Variants in LRRIQ1 observed in about 807,000 individuals in gnomAD.
LRRIQ1 encodes the protein leucine rich repeats and IQ motif containing 1, also known as leucine-rich repeat- and IQ domain-containing protein 1.
A neutral mutation model predicts 211.9 loss-of-function variants in LRRIQ1; 210 were observed. That is an observed-to-expected ratio of 0.99 (90% CI 0.89 to 1.11). The LOEUF (loss-of-function observed/expected upper bound fraction) is 1.11. Among genes scored for constraint, LRRIQ1 ranks in the 50% most tolerant of loss-of-function variants. LRRIQ1 has a pLI of 0.00. For missense variants in LRRIQ1, 2,136 were observed against 1,939.5 expected, an observed-to-expected ratio of 1.10 and a Z score of -1.90; for synonymous variants, 699 against 650.1, an observed-to-expected ratio of 1.08 and a Z score of -1.14.
At chr12:85,249,744 T>A (rs1003177552), downstream of LRRIQ1, among the ~76,000 whole-genome samples, 3 of 151,936 alleles carry the variant, frequency 2.0e-5, no homozygotes, top group African/African-American at 7.2e-5. Flanking sequence ...ACAAAAACAT[T>A]TTCTTTAACA....
intron 4 of LRRIQ1, among the ~76,000 whole-genome samples, chr12:85,045,118 A>C (rs1879383466): frequency 6.6e-6 from 1 of 151,976 alleles, no homozygotes; most frequent in Non-Finnish European, 1.5e-5. Flanking sequence ...TCTGAGGAAA[A>C]TAATGAATAT....
intron 26 of LRRIQ1, among the ~76,000 whole-genome samples, chr12:85,243,125 CAT>C (rs1200312017): frequency 4.7e-5 from 7 of 150,234 alleles, no homozygotes; most frequent in Non-Finnish European, 8.9e-5. Flanking sequence ...ATGTGGTTCA[CAT>C]GTTTTTTCTT....
chr12:85,112,066 T>C (rs1237856254), intron 15 of LRRIQ1, among the ~76,000 whole-genome samples: 2 of 151,936 alleles, frequency 1.3e-5, no homozygotes, highest in African/African-American at 4.8e-5. Context: ...ATGCACAGTT[T>C]TCTAAAAAAT....
At chr12:85,198,939 T>G (rs1893156630) in intron 24 of LRRIQ1, among the ~76,000 whole-genome samples, 1 of 152,194 alleles carries the variant, frequency 6.6e-6, no homozygotes. Flanking sequence ...GTTCAAGTCC[T>G]TTGCCCACTT....
intron 11 of LRRIQ1, among the ~76,000 whole-genome samples, chr12:85,089,500 G>T (rs1028387374): frequency 3.3e-5 from 5 of 152,174 alleles, no homozygotes; most frequent in African/African-American, 1.2e-4. Flanking sequence ...AGGATGCAGA[G>T]GTCTCAGATA....
At chr12:85,116,702 C>T (rs1887608159) in intron 15 of LRRIQ1, among the ~76,000 whole-genome samples, 1 of 152,254 alleles carries the variant, frequency 6.6e-6, no homozygotes, top group African/African-American at 2.4e-5. Flanking sequence ...TCCTCTCCCT[C>T]CTCCCACACT....
intron 24 of LRRIQ1, among the ~76,000 whole-genome samples, chr12:85,185,593 A>G (rs570440703): frequency 1.3e-5 from 2 of 152,006 alleles, no homozygotes; most frequent in South Asian, 4.1e-4. Flanking sequence ...TTATTAAATT[A>G]ACAGCCTAGA....
At chr12:85,160,243 A>T (rs1320997453) in intron 23 of LRRIQ1, among the ~76,000 whole-genome samples, 1 of 151,982 alleles carries the variant, frequency 6.6e-6, no homozygotes, top group Non-Finnish European at 1.5e-5. Flanking sequence ...TTATCTGAAA[A>T]TACATTAGGG....
intron 18 of LRRIQ1, among the ~76,000 whole-genome samples, chr12:85,137,135 A>G (rs143927522): frequency 1.3e-3 from 196 of 151,582 alleles, no homozygotes; most frequent in African/African-American, 4.5e-3. Flanking sequence ...AATGTAATGT[A>G]TATATTTATA....
intron 13 of LRRIQ1, among the ~76,000 whole-genome samples, chr12:85,100,809 G>A (rs1245315662): frequency 1.3e-5 from 2 of 151,670 alleles, no homozygotes; most frequent in Admixed American, 1.3e-4. Context: ...ATTTTGTAAT[G>A]TCATAGTGTA....
At chr12:85,089,742 G>A (rs1157086397) in intron 11 of LRRIQ1, among the ~76,000 whole-genome samples, 2 of 152,156 alleles carry the variant, frequency 1.3e-5, no homozygotes, top group Non-Finnish European at 2.9e-5. Context: ...CTTATAGTTG[G>A]AACTTGTATT....
At chr12:85,173,301 G>C (rs902398511) in intron 24 of LRRIQ1, among the ~76,000 whole-genome samples, 1 of 152,128 alleles carries the variant, frequency 6.6e-6, no homozygotes, top group Admixed American at 6.5e-5. Context: ...AAGAGTAATT[G>C]TAGGAATGTA....
chr12:85,102,013 A>T (rs1481835861), intron 13 of LRRIQ1, among the ~76,000 whole-genome samples: 3 of 151,794 alleles, frequency 2.0e-5, no homozygotes, highest in African/African-American at 7.2e-5. Context: ...TAATATTTCA[A>T]AATCCTTTCA....
chr12:85,245,014 A>G lies in LRRIQ1; in HGVS notation c.*73A>G. ...TCAGATAGGGGGTAGGATGCCAGCA[A>G]CCTGAACTGCCCAAAAATGTGTATT... is the stretch of plus-strand genomic sequence containing the variant. On this transcript the variant is annotated 3_prime_UTR_variant, in exon 27 of 27. Coordinates refer to ENST00000393217, the MANE Select transcript of LRRIQ1 (RefSeq NM_001079910.2). 1 of 1,538,242 alleles carries G rather than the reference A, an allele frequency of 6.5e-7. No individual in the cohort carries two copies. The highest frequency in any genetic ancestry group is 1.3e-5 in the South Asian group (1 of 79,706).
At chr12:85,171,781 G>A (rs984414117) in intron 24 of LRRIQ1, among the ~76,000 whole-genome samples, 25 of 152,140 alleles carry the variant, frequency 1.6e-4, no homozygotes, top group African/African-American at 5.8e-4. Context: ...GGGTACAGAG[G>A]CAAGCACATA....
In LRRIQ1 at chr12:85,073,130, C is replaced by G. The variant is rs549902516; in HGVS notation, c.2887+32C>G. On this transcript the variant is annotated intron_variant, in intron 11 of 26. Coordinates refer to ENST00000393217, the MANE Select transcript of LRRIQ1 (RefSeq NM_001079910.2). ...TGTGTTTATTTTTTATTTTGTTACT[C>G]TTTATGGATTTCTAGAGGAGGTATG... The G allele has an allele frequency of 1.4e-5, 21 of 1,505,744 alleles. No individual in the cohort carries two copies. In the East Asian group the frequency reaches 4.0e-4, roughly 28 times the overall value. The allele number at this position is 1,505,744 out of a possible 1,614,324, so 93.3% of individuals were successfully genotyped here. A position where few individuals can be genotyped will look rare whatever the true frequency, so the allele number is the denominator to read the frequency against.
intron 2 of LRRIQ1, 77 bp downstream of exon 2, chr12:85,038,385 A>T: frequency 8.9e-7 from 1 of 1,122,264 alleles, no homozygotes; most frequent in Non-Finnish European, 1.2e-6. Context: ...GGATGTTTTT[A>T]TGTACTTCTC....
chr12:85,261,403 A>C (rs1054187258), intron 1 of LRRIQ1, among the ~76,000 whole-genome samples: 9 of 152,198 alleles, frequency 5.9e-5, no homozygotes, highest in South Asian at 2.1e-4. Flanking sequence ...GAACATTTAC[A>C]ATCAATATTC....
At chr12:85,117,614 T>G (rs1887677561) in intron 15 of LRRIQ1, among the ~76,000 whole-genome samples, 1 of 152,172 alleles carries the variant, frequency 6.6e-6, no homozygotes, top group African/African-American at 2.4e-5. Flanking sequence ...TCCAAAGAAT[T>G]AGAATAAACT....
Sources: allele counts gnomAD v4.1 joint callset (sites outside exome capture counted in the v4.1 genomes callset), GRCh38; gene constraint gnomAD v4.1.1; transcripts MANE v1.5; gene names NCBI Gene and HGNC (gene_info 2026-07-23, HGNC 2026-07-21).